The following CLYBL variants were observed in gnomAD, a reference collection of about 807,000 sequenced individuals.
CLYBL encodes the protein citramalyl-CoA lyase, also known as citramalyl-CoA lyase, mitochondrial.
In CLYBL, 31 loss-of-function variants were observed where a neutral mutation model predicts 38.9. That is an observed-to-expected ratio of 0.80 (90% CI 0.60 to 1.08). The LOEUF (loss-of-function observed/expected upper bound fraction) is 1.08, where lower values mean the gene tolerates loss of function less well. CLYBL is among the 50% of genes least tolerant of loss of function. The pLI is 0.00. For missense variants in CLYBL, 434 were observed against 411.6 expected (o/e 1.05, Z -0.47); for synonymous variants, 171 against 158.6 (o/e 1.08, Z -0.59).
At chr13:99,734,264 T>G (rs2139580393) in intron 1 of CLYBL, among the ~76,000 whole-genome samples, 1 of 152,256 alleles carries the variant, frequency 6.6e-6, no homozygotes, top group East Asian at 1.9e-4. Context: ...AAAGCCTGGG[T>G]TTCTGGGTTT....
chr13:99,631,233 G>T (rs2046939484), intron 1 of CLYBL, among the ~76,000 whole-genome samples: 1 of 151,902 alleles, frequency 6.6e-6, no homozygotes, highest in South Asian at 2.1e-4. Context: ...GAGGTGGGAG[G>T]ATTGCTTGAG....
At chr13:99,754,465 T>G (rs1467148529) in intron 1 of CLYBL, among the ~76,000 whole-genome samples, 1 of 150,002 alleles carries the variant, frequency 6.7e-6, no homozygotes, top group African/African-American at 2.5e-5. Context: ...CTCACTCTGT[T>G]TCCTAGACTG....
rs762265476 is a variant in CLYBL at position 99,668,698 on chromosome 13, C to T, written c.62+61941C>T. Among the ~76,000 whole-genome samples the T allele has an allele frequency of 3.9e-4, 60 of 152,150 alleles. 1 individual carries two copies. Among genetic ancestry groups the T allele is most frequent in the Non-Finnish European group, 5.9e-5 (4 of 68,028 alleles). Reference sequence around the variant, plus strand: ...TCATCACTGCTGATGTCTAAATCCCCTCCCTGGGCATGAGGATGGTACAAT... The same window carrying T: ...TCATCACTGCTGATGTCTAAATCCCTTCCCTGGGCATGAGGATGGTACAAT... On this transcript the variant is annotated intron_variant, in intron 1 of 8. Coordinates refer to ENST00000339105, the MANE Select transcript of CLYBL (RefSeq NM_206808.5).
chr13:99,722,767 A>T (rs2048414246), intron 1 of CLYBL, among the ~76,000 whole-genome samples: 1 of 152,260 alleles, frequency 6.6e-6, no homozygotes. Flanking sequence ...TTTAAGTCCC[A>T]GAACAATAGG....
At chr13:99,800,650 G>A (rs2050112912) in intron 2 of CLYBL, among the ~76,000 whole-genome samples, 1 of 152,142 alleles carries the variant, frequency 6.6e-6, no homozygotes, top group Non-Finnish European at 1.5e-5. Context: ...GAGGTGGGTG[G>A]ATCACCTGAG....
At position 99,627,275 on chromosome 13, in the gene CLYBL, A is replaced by G. The variant is rs547028170; in HGVS notation, c.62+20518A>G. Among the ~76,000 whole-genome samples the G allele has an allele frequency of 5.7e-4, 87 of 152,186 alleles. 1 individual carries two copies. The highest frequency in any genetic ancestry group is 3.7e-3 in the South Asian group (18 of 4,822). On this transcript the variant is annotated intron_variant, in intron 1 of 8. Transcript: ENST00000339105. The stretch of plus-strand genomic sequence containing the variant: ...TATTTTTGATGAAGATAAAATACTT[A>G]AAGAAAGCGTTGAATGTGATGATGA...
intron 1 of CLYBL, among the ~76,000 whole-genome samples, chr13:99,628,243 G>A (rs2046896761): frequency 6.6e-6 from 1 of 152,150 alleles, no homozygotes; most frequent in Non-Finnish European, 1.5e-5. Context: ...ATATATTTAA[G>A]TAAAAATAGA....
At chr13:99,884,386 C>T (rs1208390104) in intron 7 of CLYBL, among the ~76,000 whole-genome samples, 1 of 152,136 alleles carries the variant, frequency 6.6e-6, no homozygotes, top group Non-Finnish European at 1.5e-5. Context: ...ATCATGTGCC[C>T]TGGTCTGTCT....
intron 1 of CLYBL, among the ~76,000 whole-genome samples, chr13:99,647,742 G>A (rs2047198052): frequency 6.6e-6 from 1 of 152,184 alleles, no homozygotes; most frequent in African/African-American, 2.4e-5. Flanking sequence ...AGCAAATTTG[G>A]TGCCCAAGAC....
chr13:99,735,183 G>T (rs990751621), intron 1 of CLYBL, among the ~76,000 whole-genome samples: 1 of 152,036 alleles, frequency 6.6e-6, no homozygotes, highest in Admixed American at 6.6e-5. Flanking sequence ...GCTTTTTGTT[G>T]TTGTTGTTTG....
At chr13:99,824,266 A>G (rs1055239073) in intron 2 of CLYBL, among the ~76,000 whole-genome samples, 12 of 73,102 alleles carry the variant, frequency 1.6e-4, no homozygotes, top group African/African-American at 5.5e-4. Context: ...AGCCCCCCCC[A>G]CCCACCCCCA....
intron 1 of CLYBL, among the ~76,000 whole-genome samples, chr13:99,732,314 CCAA>C (rs1318056780): frequency 6.6e-6 from 1 of 151,830 alleles, no homozygotes; most frequent in African/African-American, 2.4e-5. Flanking sequence ...GCGTCCCCCA[CCAA>C]CAAGTAGCTG....
intron 1 of CLYBL, among the ~76,000 whole-genome samples, chr13:99,753,443 G>GACAGA (rs1364801871): frequency 7.1e-4 from 108 of 152,320 alleles, no homozygotes; most frequent in African/African-American, 2.5e-3. Flanking sequence ...AAGATACAGT[G>GACAGA]CAGAGGTGCG....
intron 1 of CLYBL, among the ~76,000 whole-genome samples, chr13:99,727,707 T>G (rs2048503111): frequency 2.6e-5 from 4 of 152,058 alleles, no homozygotes. Context: ...GTAAACACTA[T>G]GCAGTAAACA....
chr13:99,847,299 A>G (rs903066601), intron 2 of CLYBL, among the ~76,000 whole-genome samples: 2 of 152,216 alleles, frequency 1.3e-5, no homozygotes, highest in Non-Finnish European at 2.9e-5. Context: ...TTTCATCCTC[A>G]TAATGAAGAA....
intron 1 of CLYBL, among the ~76,000 whole-genome samples, chr13:99,607,676 A>G (rs1594079339): frequency 6.6e-6 from 1 of 152,368 alleles, no homozygotes; most frequent in East Asian, 1.9e-4. Context: ...TCAAAGCCCT[A>G]TGACCAGTAA....
chr13:99,729,117 C>G (rs972546103), intron 1 of CLYBL, among the ~76,000 whole-genome samples: 1 of 152,206 alleles, frequency 6.6e-6, no homozygotes, highest in East Asian at 1.9e-4. Flanking sequence ...TAAAAGATCT[C>G]TCTCATCTTC....
At chr13:99,857,350 A>G (rs745470451) in intron 2 of CLYBL, among the ~76,000 whole-genome samples, 20 of 152,180 alleles carry the variant, frequency 1.3e-4, no homozygotes, top group Non-Finnish European at 7.3e-5. Flanking sequence ...TAATGGCTGT[A>G]ATAAAGAATG....
chr13:99,779,694 TAA>T (rs2049598823), intron 2 of CLYBL, among the ~76,000 whole-genome samples: 1 of 152,212 alleles, frequency 6.6e-6, no homozygotes, highest in South Asian at 2.1e-4. Context: ...AGTGGCATGG[TAA>T]AGTTTCAGGG....
Sources: gnomAD v4.1 joint callset for allele counts (sites outside exome capture counted in the v4.1 genomes callset) on GRCh38, gnomAD v4.1.1 for gene constraint, MANE v1.5 for transcripts, NCBI Gene and HGNC (gene_info 2026-07-23, HGNC 2026-07-21) for gene names.